BRI3: variants seen among roughly 807,000 people sequenced by gnomAD.
The protein encoded by BRI3 is brain protein I3, also known as membrane protein BRI3.
In BRI3, 6 loss-of-function variants were observed where a neutral mutation model predicts 12.8. The ratio of observed to expected loss-of-function variants is 0.47; its 90% confidence interval spans 0.26 to 0.93. BRI3 has a LOEUF of 0.93. Ranked by LOEUF, BRI3 falls within the 40% of genes least tolerant of loss-of-function variation. BRI3 has a pLI of 0.15. For missense variants in BRI3, 134 were observed against 171.1 expected (o/e 0.78, Z 1.21); for synonymous variants, 91 against 76.1 (o/e 1.20, Z -1.02).
chr7:98,283,190 G>C (rs1220555800), intron 2 of BRI3, among the ~76,000 whole-genome samples: 2 of 152,010 alleles, frequency 1.3e-5, no homozygotes, highest in African/African-American at 4.8e-5. Context: ...TTAGAAAGTA[G>C]GGGCAGAGTT....
chr7:98,320,098 T>C, the BRI3 span: 4 of 1,613,410 alleles, frequency 2.5e-6, no homozygotes, highest in Non-Finnish European at 3.4e-6. Context: ...CTTCTCCAGC[T>C]CATGGATAAT....
At chr7:98,308,324 G>A (rs770229660) in exon 2 of BRI3, 4 of 457,998 alleles carry the variant, frequency 8.7e-6, no homozygotes, top group South Asian at 6.2e-5. Context: ...AAGAAAAGAA[G>A]AAAGCTGGAA....
intron 2 of BRI3, among the ~76,000 whole-genome samples, chr7:98,288,863 G>T (rs1426771666): frequency 6.6e-6 from 1 of 152,042 alleles, no homozygotes; most frequent in Non-Finnish European, 1.5e-5. Flanking sequence ...AAGTGCTGCA[G>T]TTGCAGGCGT....
At chr7:98,297,111 G>C (rs1377652016), downstream of BRI3, among the ~76,000 whole-genome samples, 4 of 152,348 alleles carry the variant, frequency 2.6e-5, no homozygotes, top group East Asian at 7.7e-4. Context: ...CTACGAGAGT[G>C]GTTGGGCTGC....
At chr7:98,285,372 G>A (rs1313081267) in intron 2 of BRI3, among the ~76,000 whole-genome samples, 1 of 152,128 alleles carries the variant, frequency 6.6e-6, no homozygotes, top group African/African-American at 2.4e-5. Flanking sequence ...GAGGTGGAGG[G>A]GCTGCTCCCT....
At chr7:98,313,001 G>T (rs559424949), downstream of BRI3, among the ~76,000 whole-genome samples, 1 of 152,114 alleles carries the variant, frequency 6.6e-6, no homozygotes, top group Non-Finnish European at 1.5e-5. Flanking sequence ...CCTGTCCTGC[G>T]GCTGTGTGCA....
the BRI3 span, among the ~76,000 whole-genome samples, chr7:98,319,242 C>A: frequency 6.6e-6 from 1 of 152,084 alleles, no homozygotes; most frequent in Non-Finnish European, 1.5e-5. Flanking sequence ...TGGCAAGAGC[C>A]CTCAATACCG....
chr7:98,297,672 C>T (rs1035970597), downstream of BRI3, among the ~76,000 whole-genome samples: 68 of 152,096 alleles, frequency 4.5e-4, no homozygotes, highest in African/African-American at 1.5e-3. Flanking sequence ...AAAAGGGGGA[C>T]GCTGAGGCCC....
chr7:98,317,244 A>G, the BRI3 span: 1 of 1,614,256 alleles, frequency 6.2e-7, no homozygotes, highest in Non-Finnish European at 8.5e-7. Flanking sequence ...TTCATATTTG[A>G]GTGCGTTTCG....
At chr7:98,282,678 A>G in intron 2 of BRI3, 1 of 530,300 alleles carries the variant, frequency 1.9e-6, no homozygotes, top group Non-Finnish European at 3.4e-6. Flanking sequence ...AAAAGGGTGG[A>G]TTCCTTTTCC....
downstream of BRI3, among the ~76,000 whole-genome samples, chr7:98,311,877 G>C (rs1429876393): frequency 6.6e-6 from 1 of 152,174 alleles, no homozygotes; most frequent in Non-Finnish European, 1.5e-5. Context: ...CTGTACTCCA[G>C]CCTGGGCGAC....
chr7:98,295,127 G>C (rs1405064967), downstream of BRI3, among the ~76,000 whole-genome samples: 1 of 152,222 alleles, frequency 6.6e-6, no homozygotes, highest in African/African-American at 2.4e-5. Flanking sequence ...GATTGACTTA[G>C]GGGAGGCCCT....
At chr7:98,308,169 G>GGT (rs1440753860) in exon 2 of BRI3, 11 of 595,138 alleles carry the variant, frequency 1.8e-5, no homozygotes, top group Non-Finnish European at 3.5e-5. Flanking sequence ...AGGACAAGGC[G>GGT]GTGTGTGCCG....
At chr7:98,293,665 A>G (rs532930114), downstream of BRI3, 7 of 1,476,650 alleles carry the variant, frequency 4.7e-6, no homozygotes, top group South Asian at 6.8e-5. Flanking sequence ...AACAGTGCTA[A>G]TAACCCGTTC....
intron 1 of BRI3, 138 bp downstream of exon 1, chr7:98,282,075 C>A: frequency 8.2e-7 from 1 of 1,224,370 alleles, no homozygotes; most frequent in Admixed American, 3.8e-5. Flanking sequence ...CTTCGGGACC[C>A]GGCGCCGCCG....
upstream of BRI3, among the ~76,000 whole-genome samples, chr7:98,303,021 G>A (rs1800491610): frequency 1.3e-5 from 2 of 152,286 alleles, 1 homozygote; most frequent in Non-Finnish European, 2.9e-5. Flanking sequence ...CTGGGCTCAA[G>A]TGATCCTCCT....
upstream of BRI3, among the ~76,000 whole-genome samples, chr7:98,302,689 G>A (rs1319699637): frequency 6.6e-6 from 1 of 152,232 alleles, no homozygotes; most frequent in African/African-American, 2.4e-5. Context: ...ACAAGAGGCA[G>A]AGGGGGGACC....
chr7:98,294,705 A>G (rs1341915226), downstream of BRI3, among the ~76,000 whole-genome samples: 1 of 152,198 alleles, frequency 6.6e-6, no homozygotes, highest in African/African-American at 2.4e-5. Flanking sequence ...GCTTTTTGGG[A>G]GCTGACTCCT....
the BRI3 span, among the ~76,000 whole-genome samples, chr7:98,318,680 C>T: frequency 6.6e-6 from 1 of 151,784 alleles, no homozygotes; most frequent in Non-Finnish European, 1.5e-5. Flanking sequence ...CATGGTGGCT[C>T]ACGCCTCTAA....
Sources: gnomAD v4.1 joint callset for allele counts (sites outside exome capture counted in the v4.1 genomes callset) on GRCh38, gnomAD v4.1.1 for gene constraint, MANE v1.5 for transcripts, NCBI Gene and HGNC (gene_info 2026-07-23, HGNC 2026-07-21) for gene names.